The following SLC16A10 variants were observed in gnomAD, a reference collection of about 807,000 sequenced individuals.
The protein encoded by SLC16A10 is solute carrier family 16 member 10, also known as monocarboxylate transporter 10.
A neutral mutation model predicts 40.0 loss-of-function variants in SLC16A10; 27 were observed. The ratio of observed to expected loss-of-function variants is 0.67; its 90% CI spans 0.50 to 0.93. The LOEUF is 0.93. Ranked by LOEUF, SLC16A10 falls within the 40% of genes least tolerant of loss-of-function variation. SLC16A10 has a pLI of 0.00. For missense variants in SLC16A10, 529 were observed against 658.2 expected (o/e 0.80, Z 2.15); for synonymous variants, 213 against 249.8 (o/e 0.85, Z 1.39).
chr6:111,168,350 A>G (rs1045007085), intron 1 of SLC16A10, among the ~76,000 whole-genome samples: 9 of 152,236 alleles, frequency 5.9e-5, no homozygotes, highest in African/African-American at 2.2e-4. Context: ...CAGTTTCTCA[A>G]TTGTTAAACG....
At chr6:111,093,757 T>C (rs551231998) in intron 1 of SLC16A10, among the ~76,000 whole-genome samples, 1 of 152,296 alleles carries the variant, frequency 6.6e-6, no homozygotes, top group Admixed American at 6.5e-5. Flanking sequence ...TCTTTCACTA[T>C]AAGAAAAATA....
intron 3 of SLC16A10, among the ~76,000 whole-genome samples, chr6:111,190,296 G>T (rs1402264918): frequency 6.6e-6 from 1 of 152,230 alleles, no homozygotes; most frequent in Admixed American, 6.5e-5. Context: ...GGGAAGCTCT[G>T]CCCCTGTGGC....
At chr6:111,101,001 T>C (rs902529072) in intron 1 of SLC16A10, among the ~76,000 whole-genome samples, 34 of 126,216 alleles carry the variant, frequency 2.7e-4, no homozygotes, top group African/African-American at 9.1e-4. Context: ...TCTATATATA[T>C]ATATATATAT....
At chr6:111,100,687 G>A (rs1771159697) in intron 1 of SLC16A10, among the ~76,000 whole-genome samples, 1 of 151,858 alleles carries the variant, frequency 6.6e-6, no homozygotes, top group Admixed American at 6.6e-5. Context: ...CCGGCCTACA[G>A]TTGTCTTTTT....
chr6:111,124,806 C>T (rs1325668446), intron 1 of SLC16A10, among the ~76,000 whole-genome samples: 2 of 152,214 alleles, frequency 1.3e-5, no homozygotes, highest in Non-Finnish European at 2.9e-5. Context: ...TCTTTACAGA[C>T]TTTCTATAGG....
rs552596553 is a variant in SLC16A10 at position 111,121,766 on chromosome 6, C to T, written c.343+33671C>T. ...TGGGCTTGTGTCCTCTGCAGTTGCA[C>T]AGGGCTCTGCTCAGAAGGGTCCCAT... On this transcript the variant is annotated intron_variant, in intron 1 of 5. Transcript: ENST00000368851. Among the ~76,000 whole-genome samples, 28 of 152,300 alleles carry T rather than the reference C, an allele frequency of 1.8e-4. 1 individual carries two copies. The South Asian group carries it at 5.6e-3, about 30-fold the overall frequency.
chr6:111,201,323 C>T (rs1478677615), intron 3 of SLC16A10, among the ~76,000 whole-genome samples: 1 of 152,126 alleles, frequency 6.6e-6, no homozygotes, highest in Admixed American at 6.6e-5. Context: ...GGTTGTTTTG[C>T]TCAGTTCTGC....
intron 1 of SLC16A10, among the ~76,000 whole-genome samples, chr6:111,101,416 T>C (rs1771186499): frequency 6.6e-6 from 1 of 152,076 alleles, no homozygotes; most frequent in Non-Finnish European, 1.5e-5. Flanking sequence ...CAGACACCTG[T>C]ATTTTCTGAC....
chr6:111,218,150 A>C (rs1770804444), intron 4 of SLC16A10, among the ~76,000 whole-genome samples: 2 of 152,346 alleles, frequency 1.3e-5, no homozygotes, highest in South Asian at 4.1e-4. Context: ...GTGTTTAATG[A>C]ATTTGAGCTG....
rs532946878 is a variant in SLC16A10 at position 111,221,571 on chromosome 6, C to T, written c.1316-432C>T. The stretch of plus-strand genomic sequence containing the variant: ...GACCAGCCTGGGTAATGTGACAAAA[C>T]CCCATCTCTACAAAAAATATAAAAA... On this transcript the variant is annotated intron_variant, in intron 5 of 5. Transcript: ENST00000368851. Among the ~76,000 whole-genome samples, 120 of 151,940 alleles carry T rather than the reference C, an allele frequency of 7.9e-4. 2 individuals carry two copies. The South Asian group carries it at 0.024, about 31-fold the overall frequency.
At chr6:111,119,169 G>A (rs889523398) in intron 1 of SLC16A10, among the ~76,000 whole-genome samples, 8 of 152,188 alleles carry the variant, frequency 5.3e-5, no homozygotes, top group South Asian at 2.1e-4. Context: ...GAGGTAAACC[G>A]GGTAAAAGTG....
At chr6:111,215,490 T>A (rs1182511005) in intron 4 of SLC16A10, among the ~76,000 whole-genome samples, 5 of 147,244 alleles carry the variant, frequency 3.4e-5, no homozygotes, top group African/African-American at 7.6e-5. Context: ...AAGAAAAAAA[T>A]ATATATTCCT....
At chr6:111,197,097 C>T (rs354537) in intron 3 of SLC16A10, among the ~76,000 whole-genome samples, 116,977 of 152,094 alleles carry the variant, frequency 0.77, 45,769 homozygotes, top group Non-Finnish European at 0.85. Flanking sequence ...ATCTTCATTC[C>T]GGTAAAAACA....
At position 111,218,935 on chromosome 6, in the gene SLC16A10, T is replaced by C. The variant is rs1583369737; in HGVS notation, c.1208T>C (p.Met403Thr). 6.2e-7 allele frequency: 1 copy of C among 1,614,202 alleles called. No individual in the cohort carries two copies. Among genetic ancestry groups the C allele is most frequent in the South Asian group, 1.1e-5 (1 of 91,088 alleles). The change falls in exon 5 of 6, where the codon ATG (methionine) becomes ACG (threonine). Residue 403 changes from methionine to threonine, a missense_variant. By Grantham distance (81) the Met-to-Thr change is moderately conservative. Coordinates refer to ENST00000368851, the MANE Select transcript of SLC16A10 (RefSeq NM_018593.5). Reference protein sequence around the residue: ...GLFDGCFISIMAPIAFELVGA... With the variant: ...GLFDGCFISITAPIAFELVGA... The stretch of plus-strand genomic sequence containing the variant: ...TTCGATGGATGCTTCATTTCCATTA[T>C]GGCTCCCATAGCCTTTGAGTTAGTT...
chr6:111,128,908 C>A (rs1300236654), intron 1 of SLC16A10, among the ~76,000 whole-genome samples: 5 of 132,836 alleles, frequency 3.8e-5, no homozygotes, highest in Non-Finnish European at 9.0e-5. Flanking sequence ...TTTTCATATT[C>A]ATTTCAATTG....
At chr6:111,106,106 T>G (rs1583305572) in intron 1 of SLC16A10, among the ~76,000 whole-genome samples, 1 of 152,218 alleles carries the variant, frequency 6.6e-6, no homozygotes, top group East Asian at 1.9e-4. Context: ...GACTAGTAAA[T>G]ATGTTTTCTG....
intron 1 of SLC16A10, among the ~76,000 whole-genome samples, chr6:111,149,075 C>T (rs1772127693): frequency 6.6e-6 from 1 of 152,196 alleles, no homozygotes; most frequent in Non-Finnish European, 1.5e-5. Flanking sequence ...CCATTTCATT[C>T]TTCACACTAC....
At chr6:111,188,305 C>G (rs184343461) in intron 3 of SLC16A10, among the ~76,000 whole-genome samples, 29 of 151,940 alleles carry the variant, frequency 1.9e-4, no homozygotes, top group African/African-American at 6.5e-4. Flanking sequence ...TTCCCTCCCT[C>G]CCTTCTTTCC....
chr6:111,143,579 A>T (rs1026884984), intron 1 of SLC16A10, among the ~76,000 whole-genome samples: 2 of 152,112 alleles, frequency 1.3e-5, no homozygotes, highest in African/African-American at 4.8e-5. Context: ...GCATATTTCT[A>T]AGTGAAGAAG....
Sources: gnomAD v4.1 joint callset for allele counts (sites outside exome capture counted in the v4.1 genomes callset) on GRCh38, gnomAD v4.1.1 for gene constraint, MANE v1.5 for transcripts, NCBI Gene and HGNC (gene_info 2026-07-23, HGNC 2026-07-21) for gene names.